The following RSPH3 variants were observed in gnomAD, a reference collection of about 807,000 sequenced individuals.
RSPH3 encodes the protein radial spoke head 3, also known as radial spoke head protein 3 homolog.
In RSPH3, 21 loss-of-function variants were observed where a neutral mutation model predicts 43.8. The ratio of observed to expected loss-of-function variants is 0.48; its 90% CI spans 0.34 to 0.69. RSPH3 has a LOEUF of 0.69. Among genes scored for constraint, RSPH3 ranks in the 30% least tolerant of loss-of-function variants. The pLI is 0.01. For missense variants in RSPH3, 487 were observed against 516.0 expected (o/e 0.94, Z 0.54); for synonymous variants, 173 against 179.8 (o/e 0.96, Z 0.30).
At chr6:158,978,967 C>A (rs1206291680) in intron 6 of RSPH3, among the ~76,000 whole-genome samples, 3 of 152,082 alleles carry the variant, frequency 2.0e-5, no homozygotes, top group Admixed American at 6.6e-5. Flanking sequence ...AATCCAAATG[C>A]AATGCAAATC....
chr6:158,964,626 A>C, the RSPH3 span, among the ~76,000 whole-genome samples: 1 of 152,162 alleles, frequency 6.6e-6, no homozygotes, highest in South Asian at 2.1e-4. Flanking sequence ...AATTCTTTAG[A>C]GAAATGTCTC....
At position 158,999,717 on chromosome 6, in the gene RSPH3, C is replaced by A; in HGVS notation, c.-167G>T. On this transcript the variant is annotated 5_prime_UTR_variant, in exon 1 of 8. Coordinates refer to ENST00000367069, the MANE Select transcript of RSPH3 (RefSeq NM_031924.8). ...CGGGCGGGACGGGAGGTTACCAGCG[C>A]AGGAGGTGGGAGCTATACTGGGCTC... 1 of 1,613,674 alleles carries A rather than the reference C, an allele frequency of 6.2e-7. No homozygotes were observed. The highest frequency in any genetic ancestry group is 8.5e-7 in the Non-Finnish European group (1 of 1,179,786).
chr6:158,987,490 A>G (rs1778271877), intron 2 of RSPH3, among the ~76,000 whole-genome samples: 1 of 152,160 alleles, frequency 6.6e-6, no homozygotes, highest in Admixed American at 6.5e-5. Flanking sequence ...GCAAGGACTT[A>G]CTACTACCAT....
downstream of RSPH3, among the ~76,000 whole-genome samples, chr6:158,972,545 A>G (rs1052867959): frequency 6.6e-6 from 1 of 152,238 alleles, no homozygotes; most frequent in Admixed American, 6.5e-5. Context: ...TGAAGTTGGC[A>G]GCAAGTCAAC....
chr6:158,971,578 G>C (rs998404444), downstream of RSPH3, among the ~76,000 whole-genome samples: 9 of 152,126 alleles, frequency 5.9e-5, no homozygotes, highest in East Asian at 1.7e-3. Context: ...TCTTATGTTA[G>C]TGCTATGAGT....
At chr6:158,981,650 A>T (rs758944683) in intron 5 of RSPH3, among the ~76,000 whole-genome samples, 18 of 152,146 alleles carry the variant, frequency 1.2e-4, no homozygotes, top group Non-Finnish European at 2.4e-4. Context: ...CACAATCCTT[A>T]TTGTAAGCCC....
downstream of RSPH3, among the ~76,000 whole-genome samples, chr6:158,972,013 CTT>C (rs1177590557): frequency 1.3e-5 from 2 of 151,892 alleles, no homozygotes; most frequent in Admixed American, 6.6e-5. Flanking sequence ...AGAAAAAAAA[CTT>C]GGGGGGGATA....
chr6:158,965,517 A>G, the RSPH3 span, among the ~76,000 whole-genome samples: 3 of 152,192 alleles, frequency 2.0e-5, 1 homozygote, highest in Non-Finnish European at 4.4e-5. Flanking sequence ...GGTTAAATTT[A>G]TTCTTAGGTA....
In RSPH3 at chr6:158,998,297, CAAAAAAAAAAAAA is replaced by C. The variant is rs71297000; in HGVS notation, c.116+1125_116+1137del. On this transcript the variant is annotated intron_variant, in intron 1 of 7. Coordinates refer to ENST00000367069, the MANE Select transcript of RSPH3 (RefSeq NM_031924.8). The stretch of plus-strand genomic sequence containing the variant: ...AAACCCCGTCTCTACTAAAAAAATA[CAAAAAAAAAAAAA>C]AAAAAAAAAAGAGCCGGGCGTGGTG... Among the ~76,000 whole-genome samples the C allele has an allele frequency of 3.2e-3, 171 of 53,928 alleles. 3 individuals are homozygous for C. Among genetic ancestry groups the C allele is most frequent in the Middle Eastern group, 0.022 (1 of 46 alleles). The allele number at this position is 53,928 out of a possible 152,430, so 35.4% of individuals were successfully genotyped here.
Position 158,993,936 on chromosome 6 carries a change from A to G in RSPH3, c.117-10T>C. On this transcript the variant is annotated splice_polypyrimidine_tract_variant and intron_variant, in intron 1 of 7. Transcript: ENST00000367069. ...CATAGGTTCTTCATCTCTGTAAAAC[A>G]GAAAATTCTGTATAACCACTTTAAT... The G allele has an allele frequency of 6.5e-7, 1 of 1,539,534 alleles. No individual in the cohort carries two copies. The highest frequency in any genetic ancestry group is 9.0e-7 in the Non-Finnish European group (1 of 1,112,942).
chr6:158,993,797 T>C (rs754860715), intron 2 of RSPH3, 42 bp downstream of exon 2: 2 of 1,062,302 alleles, frequency 1.9e-6, no homozygotes, highest in East Asian at 5.0e-5. Context: ...TCCCCATAGA[T>C]AATGTGAGAA....
In RSPH3 at chr6:159,000,127, G is replaced by T. The variant is rs1778822819; in HGVS notation, c.-577C>A. ...GTTTCTCCTGCCGCGGCGCAGCAGC[G>T]CTCCCAGGCTGCCCCCGCGATAACA... is the stretch of plus-strand genomic sequence containing the variant. On this transcript the variant is annotated 5_prime_UTR_variant, in exon 1 of 8. Coordinates refer to ENST00000367069, the MANE Select transcript of RSPH3 (RefSeq NM_031924.8). The T allele has an allele frequency of 2.5e-6, 2 of 784,714 alleles. No homozygotes were observed. Among genetic ancestry groups the T allele is most frequent in the African/African-American group, 3.6e-5 (2 of 55,502 alleles). The allele number at this position is 784,714 out of a possible 1,614,324, so 48.6% of individuals were successfully genotyped here.
intron 1 of RSPH3, among the ~76,000 whole-genome samples, chr6:158,994,283 T>C (rs2128610608): frequency 6.6e-6 from 1 of 152,304 alleles, no homozygotes; most frequent in Non-Finnish European, 1.5e-5. Flanking sequence ...AATATGAAAA[T>C]GTCCCATTTG....
chr6:158,990,913 C>G (rs1271193502), intron 2 of RSPH3, among the ~76,000 whole-genome samples: 1 of 108,656 alleles, frequency 9.2e-6, no homozygotes, highest in Non-Finnish European at 2.0e-5. Flanking sequence ...GGTCTATTTT[C>G]TCTCTGTTCA....
intron 1 of RSPH3, among the ~76,000 whole-genome samples, chr6:158,996,448 T>C (rs1356728781): frequency 6.6e-6 from 1 of 152,260 alleles, no homozygotes; most frequent in East Asian, 1.9e-4. Context: ...TTGTGTTAAA[T>C]TTCTAGACCC....
rs757114046 is a variant in RSPH3 at position 158,999,857 on chromosome 6, G to A, written c.-307C>T. ...TCCGGTCCCCAGGTTTCCCGGGAAG[G>A]ACTGCGGCACAAGGGACTTCCGGCT... On this transcript the variant is annotated 5_prime_UTR_variant, in exon 1 of 8. Transcript: ENST00000367069. 2 of 1,613,776 alleles carry A rather than the reference G, an allele frequency of 1.2e-6. No homozygotes were observed. The highest frequency in any genetic ancestry group is 2.7e-5 in the African/African-American group (2 of 74,924).
At position 158,983,650 on chromosome 6, in the gene RSPH3, G is replaced by C; in HGVS notation, c.492+12C>G. The C allele has an allele frequency of 6.2e-7, 1 of 1,605,454 alleles. No individual in the cohort carries two copies. Among genetic ancestry groups the C allele is most frequent in the South Asian group, 1.1e-5 (1 of 90,868 alleles). On this transcript the variant is annotated intron_variant, in intron 4 of 7. Transcript: ENST00000367069. Reference sequence around the variant, plus strand: ...AAAGATTATAGAGGGAAGCCCAAAGGATGTACTGTACCTCTCCTTCTAGTA... The same window carrying C: ...AAAGATTATAGAGGGAAGCCCAAAGCATGTACTGTACCTCTCCTTCTAGTA...
At chr6:158,991,461 T>C (rs553356024) in intron 2 of RSPH3, among the ~76,000 whole-genome samples, 2,707 of 152,306 alleles carry the variant, frequency 0.018, 33 homozygotes, top group Middle Eastern at 0.024. Flanking sequence ...TACCAACACA[T>C]TGGTGCCAGG....
chr6:158,996,711 C>T (rs754901682), intron 1 of RSPH3, among the ~76,000 whole-genome samples: 13 of 152,136 alleles, frequency 8.5e-5, no homozygotes, highest in Non-Finnish European at 1.9e-4. Flanking sequence ...AAGAACTAAA[C>T]GACATTCTAG....
Sources: gnomAD v4.1 joint callset for allele counts (sites outside exome capture counted in the v4.1 genomes callset) on GRCh38, gnomAD v4.1.1 for gene constraint, MANE v1.5 for transcripts, NCBI Gene and HGNC (gene_info 2026-07-23, HGNC 2026-07-21) for gene names.